WDR35: variants seen among roughly 807,000 people sequenced by gnomAD.
WDR35 encodes WD repeat domain 35.
WDR35 carries 118 observed loss-of-function variants against 158.3 expected under a neutral mutation model. The observed-to-expected ratio is 0.75, with a 90% CI of 0.64 to 0.87. WDR35 has a LOEUF of 0.87. Ranked by LOEUF, WDR35 falls within the 40% of genes least tolerant of loss-of-function variation. The pLI is 0.00. For synonymous variants in WDR35, 448 were observed against 476.1 expected (o/e 0.94, Z 0.77); for missense variants, 1,263 against 1,405.8 (o/e 0.90, Z 1.62).
intron 10 of WDR35, among the ~76,000 whole-genome samples, chr2:19,965,716 G>A (rs1016686933): frequency 1.3e-5 from 2 of 152,198 alleles, no homozygotes; most frequent in African/African-American, 2.4e-5. Context: ...AACCCCAGTC[G>A]TTGTAGGTGG....
intron 25 of WDR35, 122 bp from the exon 26 acceptor site, chr2:19,914,399 A>C: frequency 7.8e-7 from 1 of 1,280,428 alleles, no homozygotes; most frequent in Non-Finnish European, 1.1e-6. Context: ...GAAAGCAAAC[A>C]GTGTTGAGAG....
intron 10 of WDR35, among the ~76,000 whole-genome samples, chr2:19,963,240 G>C (rs1051200491): frequency 6.6e-6 from 1 of 152,052 alleles, no homozygotes; most frequent in Non-Finnish European, 1.5e-5. Context: ...TCAATTAAAA[G>C]GTGTTTTAAG....
intron 23 of WDR35, among the ~76,000 whole-genome samples, chr2:19,931,695 T>G (rs1278038882): frequency 6.6e-6 from 1 of 152,158 alleles, no homozygotes; most frequent in African/African-American, 2.4e-5. Flanking sequence ...ATAAAGAAAG[T>G]ATTGATGAAA....
chr2:19,954,122 G>A, intron 11 of WDR35, 144 bp from the exon 12 acceptor site: 1 of 874,508 alleles, frequency 1.1e-6, no homozygotes, highest in Admixed American at 2.4e-5. Context: ...CCCATACACA[G>A]TCTCTGAAAT....
chr2:19,967,677 A>G (rs997390498), intron 9 of WDR35, among the ~76,000 whole-genome samples: 29 of 152,196 alleles, frequency 1.9e-4, no homozygotes, highest in African/African-American at 6.7e-4. Flanking sequence ...AAGCTAAACC[A>G]TGTTTAGCTT....
intron 17 of WDR35, among the ~76,000 whole-genome samples, chr2:19,939,427 A>G (rs1361205769): frequency 1.3e-5 from 2 of 152,184 alleles, no homozygotes; most frequent in African/African-American, 2.4e-5. Flanking sequence ...CTGGTTTTTC[A>G]TAATTTTTCT....
chr2:19,945,083 A>G (rs1043729975), intron 16 of WDR35, among the ~76,000 whole-genome samples: 6 of 152,036 alleles, frequency 3.9e-5, no homozygotes, highest in Admixed American at 3.3e-4. Context: ...TTAGGTTACC[A>G]CTCGGATTAT....
intron 16 of WDR35, among the ~76,000 whole-genome samples, chr2:19,943,827 C>T (rs184726270): frequency 4.9e-4 from 75 of 152,130 alleles, no homozygotes; most frequent in African/African-American, 1.8e-3. Flanking sequence ...AGAAAATGTG[C>T]TTTATCAGTG....
chr2:19,915,842 G>A lies in WDR35; in HGVS notation c.3122-1565C>T, dbSNP rs531699038. On this transcript the variant is annotated intron_variant, in intron 25 of 26. Transcript: ENST00000281405. ...TCACTCATATGTGAGATCTAAAAAA[G>A]TTGACCTCGTGGAGCGTGCAGTGAG... 4.7e-5 allele frequency among the ~76,000 whole-genome samples: 7 copies of A among 149,722 alleles called. No homozygotes were observed. The South Asian group carries it at 1.3e-3, about 27-fold the overall frequency.
rs375805945 is a variant in WDR35, at chr2:19,914,204, G to A, written c.3195C>T (p.Cys1065=). Residue 1065 remains cysteine, a synonymous_variant, in exon 26 of 27, where the codon TGC becomes TGT. Transcript: ENST00000281405. The part of the protein sequence containing the change: ...EIYSLLALCA[C]ASRAFGTCSK... ...AACAAGTCCCAAAGGCTCTGCTGGC[G>A]CATGCGCAGAGTGCTAGCAGAGAGT... The A allele has an allele frequency of 2.2e-5, 35 of 1,614,052 alleles. No individual in the cohort carries two copies. Among genetic ancestry groups the A allele is most frequent in the South Asian group, 9.9e-5 (9 of 91,090 alleles).
rs1315240256 is a variant in WDR35 at position 19,957,251 on chromosome 2, C to T, written c.1256-3273G>A. On this transcript the variant is annotated intron_variant, in intron 11 of 26. Coordinates refer to ENST00000281405, the MANE Select transcript of WDR35 (RefSeq NM_020779.4). Reference sequence around the variant, plus strand: ...ACCTACATAGGATTTTATAATAAAACCATATATAAATTCTCAGTTACTACA... The same window carrying T: ...ACCTACATAGGATTTTATAATAAAATCATATATAAATTCTCAGTTACTACA... 2.0e-5 allele frequency among the ~76,000 whole-genome samples: 3 copies of T among 152,218 alleles called. No individual in the cohort carries two copies. In the East Asian group the frequency reaches 5.8e-4, roughly 29 times the overall value.
At chr2:19,941,922 A>T in intron 16 of WDR35, 83 bp from the exon 17 acceptor site, 1 of 1,019,758 alleles carries the variant, frequency 9.8e-7, no homozygotes, top group South Asian at 1.4e-5. Flanking sequence ...TTTTATTATC[A>T]GAGTTTTCAG....
At position 19,913,635 on chromosome 2, in the gene WDR35, C is replaced by T. The variant is rs753520569; in HGVS notation, c.3436G>A (p.Val1146Ile). The change falls in exon 27 of 27, where the codon GTA becomes ATA. Residue 1146 changes from valine to isoleucine, a missense_variant. Coordinates refer to ENST00000281405, the MANE Select transcript of WDR35 (RefSeq NM_020779.4). ...TGAGCAAGGACACCGTGTTTGCATA[C>T]ACTGCACATCCAGAATTGATACTCA... Reference protein sequence around the residue: ...ITEYQFWMCSVCKHGVLAQEI... With the variant: ...ITEYQFWMCSICKHGVLAQEI... 2 of 1,614,106 alleles carry T rather than the reference C, an allele frequency of 1.2e-6. No homozygotes were observed. Among genetic ancestry groups the T allele is most frequent in the Non-Finnish European group, 1.7e-6 (2 of 1,179,988 alleles).
intron 17 of WDR35, among the ~76,000 whole-genome samples, chr2:19,939,228 CATTTA>C (rs1286194653): frequency 6.6e-6 from 1 of 152,066 alleles, no homozygotes; most frequent in Non-Finnish European, 1.5e-5. Flanking sequence ...GCTTTGAATT[CATTTA>C]ACTATTAAGA....
At chr2:19,981,870 T>C (rs1240519818) in intron 3 of WDR35, among the ~76,000 whole-genome samples, 1 of 152,192 alleles carries the variant, frequency 6.6e-6, no homozygotes, top group Non-Finnish European at 1.5e-5. Flanking sequence ...AAAAGGATTA[T>C]ATATACAACA....
rs776993602 is a variant in WDR35 at position 19,975,662 on chromosome 2, G to A, written c.438C>T (p.Gly146=). The change falls in exon 6 of 27, where the codon GGC becomes GGT. Residue 146 remains glycine, a splice_region_variant and synonymous_variant. Transcript: ENST00000281405. ...TCAGGTCTTTTCCCCAAATACGATTGCCTAAAACAAAACATTATTAAAAGT... is the reference window on the plus strand; with the variant it reads ...TCAGGTCTTTTCCCCAAATACGATTACCTAAAACAAAACATTATTAAAAGT... ...DGAVIVGSVD[G]NRIWGKDLKG... is the part of the protein sequence containing the mutation. 1.2e-6 allele frequency: 2 copies of A among 1,613,964 alleles called. No homozygotes were observed. Among genetic ancestry groups the A allele is most frequent in the Non-Finnish European group, 1.7e-6 (2 of 1,179,930 alleles).
intron 2 of WDR35, among the ~76,000 whole-genome samples, chr2:19,986,189 TG>T (rs1672560831): frequency 6.6e-6 from 1 of 152,094 alleles, no homozygotes; most frequent in Admixed American, 6.5e-5. Flanking sequence ...TTTGCTGAAA[TG>T]GAGAGAATTG....
intron 10 of WDR35, among the ~76,000 whole-genome samples, chr2:19,964,128 C>T (rs1378027113): frequency 6.6e-6 from 1 of 152,130 alleles, no homozygotes; most frequent in Non-Finnish European, 1.5e-5. Context: ...AAATAGAATG[C>T]CACTTATGAT....
At chr2:19,963,451 C>T (rs1344426873) in intron 10 of WDR35, among the ~76,000 whole-genome samples, 1 of 152,120 alleles carries the variant, frequency 6.6e-6, no homozygotes, top group Non-Finnish European at 1.5e-5. Flanking sequence ...GTATATCTTG[C>T]TGCAAGGGCT....
Sources: gnomAD v4.1 joint callset for allele counts (sites outside exome capture counted in the v4.1 genomes callset) on GRCh38, gnomAD v4.1.1 for gene constraint, MANE v1.5 for transcripts, NCBI Gene and HGNC (gene_info 2026-07-23, HGNC 2026-07-21) for gene names.